Variants in KAZN observed in about 807,000 individuals in gnomAD.
KAZN encodes the protein kazrin.
KAZN carries 40 observed loss-of-function variants against 87.4 expected under a neutral mutation model. The ratio of observed to expected loss-of-function variants is 0.46; its 90% CI spans 0.36 to 0.60. The LOEUF (loss-of-function observed/expected upper bound fraction) is 0.60. KAZN is among the 20% of genes least tolerant of loss of function. The probability of loss-of-function intolerance (pLI) is 0.00; values close to 1 mark genes in which losing one functional copy is unlikely to be tolerated. For synonymous variants in KAZN, 466 were observed against 458.3 expected (o/e 1.02, Z -0.22); for missense variants, 898 against 1,073.9 (o/e 0.84, Z 2.29).
intron 1 of KAZN, among the ~76,000 whole-genome samples, chr1:14,157,893 C>T (rs754168477): frequency 2.6e-5 from 4 of 152,080 alleles, no homozygotes; most frequent in Non-Finnish European, 5.9e-5. Context: ...GAAGAGAAAG[C>T]GAAGGGGAAA....
chr1:14,210,889 TG>T (rs1327856233), intron 2 of KAZN, among the ~76,000 whole-genome samples: 9 of 152,304 alleles, frequency 5.9e-5, no homozygotes, highest in African/African-American at 1.9e-4. Context: ...AATTAATCTG[TG>T]ACAATATCAC....
At chr1:14,072,397 C>T (rs1643282065) in intron 1 of KAZN, among the ~76,000 whole-genome samples, 1 of 152,108 alleles carries the variant, frequency 6.6e-6, no homozygotes, top group African/African-American at 2.4e-5. Flanking sequence ...TCTATTTCTT[C>T]CAGGGCCTCG....
At chr1:14,048,674 G>A (rs1353262834) in intron 1 of KAZN, among the ~76,000 whole-genome samples, 1 of 152,042 alleles carries the variant, frequency 6.6e-6, no homozygotes, top group African/African-American at 2.4e-5. Flanking sequence ...CAAAGTGCTG[G>A]GATTACAGGC....
At chr1:14,883,355 A>AGGG (rs1553150619) in intron 1 of KAZN, among the ~76,000 whole-genome samples, 6 of 20,600 alleles carry the variant, frequency 2.9e-4, no homozygotes, top group African/African-American at 9.2e-4. Context: ...AGAAAGAAAG[A>AGGG]AAAGAAAGAA....
intron 2 of KAZN, among the ~76,000 whole-genome samples, chr1:14,555,581 T>C (rs928800270): frequency 1.3e-5 from 2 of 152,158 alleles, no homozygotes; most frequent in African/African-American, 4.8e-5. Context: ...CAAAATGCCG[T>C]GTAGGAAAGT....
At chr1:14,848,717 T>C (rs1036170639) in intron 1 of KAZN, among the ~76,000 whole-genome samples, 3 of 152,114 alleles carry the variant, frequency 2.0e-5, no homozygotes, top group African/African-American at 7.2e-5. Flanking sequence ...CCGTGAGTGA[T>C]TAAAACGTCG....
chr1:14,388,560 A>T (rs1022837095), intron 2 of KAZN, among the ~76,000 whole-genome samples: 2 of 152,170 alleles, frequency 1.3e-5, no homozygotes, highest in African/African-American at 4.8e-5. Context: ...ATCTATGATG[A>T]GCTCATTTTT....
At chr1:14,206,673 C>A (rs1163002681) in intron 2 of KAZN, among the ~76,000 whole-genome samples, 1 of 150,074 alleles carries the variant, frequency 6.7e-6, no homozygotes, top group Non-Finnish European at 1.5e-5. Flanking sequence ...CAGTACCATC[C>A]CTTTTAAACC....
chr1:14,447,440 C>T (rs1483153421), intron 2 of KAZN, among the ~76,000 whole-genome samples: 2 of 151,768 alleles, frequency 1.3e-5, no homozygotes, highest in African/African-American at 2.4e-5. Context: ...GGGGTTTCAC[C>T]GTGTTAGCCA....
At chr1:14,102,355 C>T (rs1644275608) in intron 1 of KAZN, among the ~76,000 whole-genome samples, 1 of 152,198 alleles carries the variant, frequency 6.6e-6, no homozygotes, top group African/African-American at 2.4e-5. Flanking sequence ...TGAGCACCTG[C>T]CCTCACGCCC....
At chr1:14,100,598 C>T (rs1210544022) in intron 1 of KAZN, among the ~76,000 whole-genome samples, 1 of 152,204 alleles carries the variant, frequency 6.6e-6, no homozygotes, top group Non-Finnish European at 1.5e-5. Flanking sequence ...TGCTGTCTAC[C>T]AGGGAATCTC....
intron 1 of KAZN, among the ~76,000 whole-genome samples, chr1:14,616,006 G>T (rs577410688): frequency 6.6e-6 from 1 of 152,162 alleles, no homozygotes; most frequent in Non-Finnish European, 1.5e-5. Context: ...AGAGACATGC[G>T]CAGGAGAGAC....
intron 2 of KAZN, among the ~76,000 whole-genome samples, chr1:14,401,860 G>GA (rs944283648): frequency 4.0e-5 from 6 of 151,484 alleles, no homozygotes; most frequent in Admixed American, 6.6e-5. Flanking sequence ...CTAGAAATGG[G>GA]AAAAAAAATT....
At chr1:14,276,809 GACACA>G (rs1031405650) in intron 2 of KAZN, among the ~76,000 whole-genome samples, 1 of 152,130 alleles carries the variant, frequency 6.6e-6, no homozygotes, top group Non-Finnish European at 1.5e-5. Context: ...CTTTTGGAGG[GACACA>G]AGCCACCCCA....
intron 1 of KAZN, among the ~76,000 whole-genome samples, chr1:14,850,143 C>T (rs1223319177): frequency 1.3e-5 from 2 of 152,112 alleles, no homozygotes; most frequent in Admixed American, 1.3e-4. Context: ...ACCATGTTTG[C>T]CAGGATGGTC....
At chr1:14,195,323 A>G (rs1646504858) in intron 2 of KAZN, among the ~76,000 whole-genome samples, 1 of 151,970 alleles carries the variant, frequency 6.6e-6, no homozygotes, top group South Asian at 2.1e-4. Context: ...TTTATCTTCT[A>G]GGACCTCCGA....
At chr1:14,602,324 T>C (rs913449523) in intron 1 of KAZN, among the ~76,000 whole-genome samples, 4 of 152,196 alleles carry the variant, frequency 2.6e-5, no homozygotes, top group Admixed American at 1.3e-4. Context: ...GCCCATCTTG[T>C]CTCTCCCTCC....
rs563893033 is a variant in KAZN, at chr1:14,293,096, T to C, written c.249+112504T>C. Among the ~76,000 whole-genome samples the C allele has an allele frequency of 2.6e-5, 4 of 152,310 alleles. No individual in the cohort carries two copies. The South Asian group carries it at 8.3e-4, about 32-fold the overall frequency. Reference sequence around the variant, plus strand: ...GTCTTCTTTAAGCCTCATGAAAATGTGGCAGCCTCATTTCCATTTTGCAAA... The same window carrying C: ...GTCTTCTTTAAGCCTCATGAAAATGCGGCAGCCTCATTTCCATTTTGCAAA... On this transcript the variant is annotated intron_variant, in intron 2 of 16. Coordinates refer to the KAZN transcript ENST00000636203.
intron 1 of KAZN, among the ~76,000 whole-genome samples, chr1:14,113,910 G>A (rs1018112402): frequency 6.6e-6 from 1 of 152,206 alleles, no homozygotes; most frequent in African/African-American, 2.4e-5. Flanking sequence ...ACCTGTGTGT[G>A]GCCGTCTGAA....
Sources: gnomAD v4.1 joint callset for allele counts (sites outside exome capture counted in the v4.1 genomes callset) on GRCh38, gnomAD v4.1.1 for gene constraint, MANE v1.5 for transcripts, NCBI Gene and HGNC (gene_info 2026-07-23, HGNC 2026-07-21) for gene names.